The following SMYD3 variants were observed in gnomAD, a reference collection of about 807,000 sequenced individuals.
SMYD3 encodes histone-lysine N-methyltransferase SMYD3.
In SMYD3, 36 loss-of-function variants were observed where a neutral mutation model predicts 57.7. The ratio of observed to expected loss-of-function variants is 0.62; its 90% CI spans 0.48 to 0.82. The LOEUF (loss-of-function observed/expected upper bound fraction) is 0.82, where lower values mean the gene tolerates loss of function less well. Ranked by LOEUF, SMYD3 falls within the 40% of genes least tolerant of loss-of-function variation. SMYD3 has a pLI of 0.00. For synonymous variants in SMYD3, 211 were observed against 195.0 expected (o/e 1.08, Z -0.68); for missense variants, 515 against 538.8 (o/e 0.96, Z 0.44).
intron 2 of SMYD3, among the ~76,000 whole-genome samples, chr1:246,346,287 A>C (rs2065714707): frequency 6.6e-6 from 1 of 152,118 alleles, no homozygotes; most frequent in African/African-American, 2.4e-5. Context: ...TGTCTCAAAA[A>C]AAACAAACAA....
At position 246,255,875 on chromosome 1, in the gene SMYD3, T is replaced by C. The variant is rs981460552; in HGVS notation, c.531+71326A>G. On this transcript the variant is annotated intron_variant, in intron 5 of 11. Coordinates refer to ENST00000490107, the MANE Select transcript of SMYD3 (RefSeq NM_001167740.2). ...TTTCAATTTCTTCCTGACTCAATCT[T>C]AAGAGATTGTGTGTGTATTAGTCAG... Among the ~76,000 whole-genome samples the C allele has an allele frequency of 2.6e-5, 4 of 151,702 alleles. No homozygotes were observed. The East Asian group carries it at 7.8e-4, about 29-fold the overall frequency.
intron 8 of SMYD3, among the ~76,000 whole-genome samples, chr1:245,901,995 C>T (rs989534249): frequency 1.4e-4 from 22 of 152,122 alleles, no homozygotes; most frequent in African/African-American, 5.3e-4. Flanking sequence ...ATTCTAGTCA[C>T]CCCTCAGGAC....
At chr1:246,190,059 T>A (rs2062707600) in intron 5 of SMYD3, among the ~76,000 whole-genome samples, 3 of 152,148 alleles carry the variant, frequency 2.0e-5, no homozygotes, top group Non-Finnish European at 4.4e-5. Flanking sequence ...TGAGGAAGGA[T>A]CTCAAAGGAA....
chr1:245,963,710 A>G (rs960549926), intron 5 of SMYD3, among the ~76,000 whole-genome samples: 2 of 152,218 alleles, frequency 1.3e-5, no homozygotes, highest in African/African-American at 4.8e-5. Context: ...TGTTCTTAAC[A>G]AGGTTTTGCC....
chr1:246,209,214 C>T (rs954839197), intron 5 of SMYD3, among the ~76,000 whole-genome samples: 16 of 152,064 alleles, frequency 1.1e-4, no homozygotes, highest in African/African-American at 3.6e-4. Context: ...GGACCAAGAA[C>T]GAGGTCAGAA....
rs2065900169 is a variant in SMYD3, at chr1:246,355,609, G to A, written c.165-515C>T. On this transcript the variant is annotated intron_variant, in intron 1 of 11. Coordinates refer to ENST00000490107, the MANE Select transcript of SMYD3 (RefSeq NM_001167740.2). The surrounding 1 kb of genome is among the most constrained non-coding windows in gnomAD (Gnocchi z 5.0). ...CTCCGTGCTGCTGTGGGGGCACGGTGGGAGTGAGACCAGCCTTTAGGACTG... is the reference window on the plus strand; with the variant it reads ...CTCCGTGCTGCTGTGGGGGCACGGTAGGAGTGAGACCAGCCTTTAGGACTG... 6.6e-6 allele frequency among the ~76,000 whole-genome samples: 1 copy of A among 152,150 alleles called. No homozygotes were observed. The highest frequency in any genetic ancestry group is 6.5e-5 in the Admixed American group (1 of 15,282).
At chr1:246,502,135 C>CTTTTTT (rs56336266) in intron 1 of SMYD3, among the ~76,000 whole-genome samples, 4 of 145,914 alleles carry the variant, frequency 2.7e-5, no homozygotes, top group Non-Finnish European at 3.0e-5. Flanking sequence ...ATGCAGCTGC[C>CTTTTTT]TTTTTTTTTT....
chr1:246,507,227 G>T lies in SMYD3; in HGVS notation c.-10C>A. On this transcript the variant is annotated 5_prime_UTR_variant, in exon 1 of 12. The change creates a new upstream start codon in the 5' untranslated region. Coordinates refer to ENST00000490107, the MANE Select transcript of SMYD3 (RefSeq NM_001167740.2). The stretch of plus-strand genomic sequence containing the variant: ...CCTTCAGCGGCTCCATCCTCCCGCA[G>T]CTCCGGCACCTCAGACGGCTACCCG... 7.3e-6 allele frequency: 11 copies of T among 1,512,858 alleles called. No homozygotes were observed. Among genetic ancestry groups the T allele is most frequent in the Non-Finnish European group, 9.8e-6 (11 of 1,127,884 alleles). The allele number at this position is 1,512,858 out of a possible 1,614,324, so 93.7% of individuals were successfully genotyped here. A position where few individuals can be genotyped will look rare whatever the true frequency, so the allele number is the denominator to read the frequency against.
intron 5 of SMYD3, among the ~76,000 whole-genome samples, chr1:246,204,792 GA>G (rs1234208768): frequency 2.0e-5 from 3 of 152,096 alleles, no homozygotes; most frequent in African/African-American, 7.2e-5. Flanking sequence ...CAGAAGGTAA[GA>G]AAAAAATTCT....
intron 7 of SMYD3, among the ~76,000 whole-genome samples, chr1:245,916,646 T>G (rs1244040132): frequency 6.6e-6 from 1 of 152,154 alleles, no homozygotes; most frequent in Non-Finnish European, 1.5e-5. Context: ...TCAACCACTT[T>G]TTACCTTTTC....
At chr1:246,391,762 A>G (rs1056760024) in intron 1 of SMYD3, among the ~76,000 whole-genome samples, 1 of 152,208 alleles carries the variant, frequency 6.6e-6, no homozygotes, top group Non-Finnish European at 1.5e-5. Context: ...TTTTCTGAGC[A>G]TTAAAGATCC....
At chr1:245,830,959 C>G (rs188632698) in intron 10 of SMYD3, among the ~76,000 whole-genome samples, 1 of 152,162 alleles carries the variant, frequency 6.6e-6, no homozygotes, top group East Asian at 1.9e-4. Flanking sequence ...GTCCTGCCCC[C>G]CTCCTCGCTA....
chr1:245,858,559 C>T lies in SMYD3; in HGVS notation c.1013G>A (p.Cys338Tyr), dbSNP rs777509852. ...TTCCTCCAACAGGCCGAGGTTGATG[C>T]AGGCATCCATGGCGCAGTCGAGCAC... ...LKVLDCAMDA[C>Y]INLGLLEEAL... Residue 338 changes from cysteine to tyrosine, a missense_variant, in exon 10 of 12, where the codon TGC becomes TAC. Cys to Tyr is a radical substitution (Grantham distance 194, BLOSUM62 -2). Transcript: ENST00000490107. The T allele has an allele frequency of 1.9e-6, 3 of 1,614,194 alleles. No individual in the cohort carries two copies. The highest frequency in any genetic ancestry group is 1.7e-6 in the Non-Finnish European group (2 of 1,180,038).
At chr1:246,474,748 G>A (rs2068006201) in intron 1 of SMYD3, among the ~76,000 whole-genome samples, 1 of 152,122 alleles carries the variant, frequency 6.6e-6, no homozygotes, top group South Asian at 2.1e-4. Flanking sequence ...AGGAGACAGA[G>A]GGCGTGGTAT....
At chr1:246,348,067 T>TACACAC (rs1190262486) in intron 2 of SMYD3, among the ~76,000 whole-genome samples, 1 of 75,042 alleles carries the variant, frequency 1.3e-5, no homozygotes, top group African/African-American at 5.3e-5. Flanking sequence ...ACGTTATATA[T>TACACAC]ATATATATAT....
intron 5 of SMYD3, among the ~76,000 whole-genome samples, chr1:246,192,031 A>T (rs963491471): frequency 2.0e-5 from 3 of 152,224 alleles, no homozygotes; most frequent in Admixed American, 2.0e-4. Flanking sequence ...AGAATCATAC[A>T]TTGAAGATCT....
At chr1:246,310,731 G>A (rs3753686) in intron 5 of SMYD3, among the ~76,000 whole-genome samples, 22,293 of 144,466 alleles carry the variant, frequency 0.15, 2,095 homozygotes, top group East Asian at 0.4. Flanking sequence ...GTGCAGTGGC[G>A]CGATCTTGGC....
chr1:246,318,709 C>T (rs1572374263), intron 5 of SMYD3, among the ~76,000 whole-genome samples: 2 of 152,202 alleles, frequency 1.3e-5, no homozygotes, highest in South Asian at 4.1e-4. Context: ...AAGTTATACA[C>T]TTAAATAGAT....
At chr1:246,417,748 T>C (rs2067084456) in intron 1 of SMYD3, among the ~76,000 whole-genome samples, 1 of 152,202 alleles carries the variant, frequency 6.6e-6, no homozygotes, top group African/African-American at 2.4e-5. Flanking sequence ...TCTTCTTCAC[T>C]GTGCTTATTA....
Sources: allele counts gnomAD v4.1 joint callset (sites outside exome capture counted in the v4.1 genomes callset), GRCh38; gene constraint gnomAD v4.1.1; non-coding constraint Gnocchi (gnomAD v3.1); transcripts MANE v1.5; gene names NCBI Gene and HGNC (gene_info 2026-07-23, HGNC 2026-07-21).